Variants in DENND4B observed in about 807,000 individuals in gnomAD.
DENND4B encodes DENN domain containing 4B, also known as DENN domain-containing protein 4B.
DENND4B carries 67 observed loss-of-function variants against 161.0 expected under a neutral mutation model. The observed-to-expected ratio is 0.42, with a 90% CI of 0.34 to 0.51. DENND4B has a LOEUF of 0.51. DENND4B is among the 20% of genes least tolerant of loss of function. The pLI is 0.08. For missense variants in DENND4B, 1,481 were observed against 1,968.0 expected, an observed-to-expected ratio of 0.75 and a Z score of 4.68; for synonymous variants, 753 against 813.8, an observed-to-expected ratio of 0.93 and a Z score of 1.27.
Position 153,930,587 on chromosome 1 carries a change from T to C in DENND4B, c.4297A>G (p.Ile1433Val), listed in dbSNP as rs769081956. ...LHLQRGIYRE[I>V]LFLTMAALGK... ...AGAGCAGCCATTGTCAGGAATAATATCTCACGGTAGATTCCCCTTTAGTGG... is the reference window on the plus strand; with the variant it reads ...AGAGCAGCCATTGTCAGGAATAATACCTCACGGTAGATTCCCCTTTAGTGG... The change falls in exon 27 of 28, where the codon ATA (isoleucine) becomes GTA (valine). Residue 1433 changes from isoleucine to valine, a missense_variant. Physicochemically the swap from Ile to Val is conservative, Grantham distance 29. Coordinates refer to ENST00000361217, the MANE Select transcript of DENND4B (RefSeq NM_014856.3). This position sits in a 1 kb window ranked among gnomAD's most constrained non-coding sequence, Gnocchi z 4.7. The C allele has an allele frequency of 5.0e-6, 8 of 1,613,992 alleles. No individual in the cohort carries two copies. The East Asian group carries it at 1.8e-4, about 36-fold the overall frequency.
At position 153,929,986 on chromosome 1, in the gene DENND4B, G is replaced by A. The variant is rs1361877273; in HGVS notation, c.*311C>T. On this transcript the variant is annotated 3_prime_UTR_variant, in exon 28 of 28. Transcript: ENST00000361217. Reference sequence around the variant, plus strand: ...AAAACAAAAACTTCTAAAATGACCAGGGCAATGCAGATCTGTGGGTACCCT... The same window carrying A: ...AAAACAAAAACTTCTAAAATGACCAAGGCAATGCAGATCTGTGGGTACCCT... 2.9e-6 allele frequency: 1 copy of A among 344,014 alleles called. No individual in the cohort carries two copies. Among genetic ancestry groups the A allele is most frequent in the Non-Finnish European group, 5.3e-6 (1 of 187,250 alleles). 21.3% of individuals were successfully genotyped at this position (344,014 alleles called of 1,614,324 possible).
chr1:153,934,590 C>T lies in DENND4B; in HGVS notation c.2773+170G>A, dbSNP rs149012623. The T allele has an allele frequency of 2.9e-4, 360 of 1,234,764 alleles. 2 individuals are homozygous for T. The highest frequency in any genetic ancestry group is 2.1e-3 in the African/African-American group (137 of 66,144). The allele number at this position is 1,234,764 out of a possible 1,614,324, so 76.5% of individuals were successfully genotyped here. On this transcript the variant is annotated intron_variant, in intron 18 of 27. Coordinates refer to ENST00000361217, the MANE Select transcript of DENND4B (RefSeq NM_014856.3). The surrounding 1 kb of genome is among the most constrained non-coding windows in gnomAD (Gnocchi z 5.3). ...CCAAGTAGCTGGGACTACAGGTGCG[C>T]GCCACCACGCCCAGCTAATTTTTTT... is the stretch of plus-strand genomic sequence containing the variant.
chr1:153,933,964 T>G lies in DENND4B; in HGVS notation c.2942-93A>C, dbSNP rs1679149091. 2.0e-6 allele frequency: 3 copies of G among 1,530,942 alleles called. No homozygotes were observed. Among genetic ancestry groups the G allele is most frequent in the South Asian group, 1.2e-5 (1 of 80,502 alleles). 94.8% of individuals were successfully genotyped at this position (1,530,942 alleles called of 1,614,324 possible). On this transcript the variant is annotated intron_variant, in intron 19 of 27. Coordinates refer to ENST00000361217, the MANE Select transcript of DENND4B (RefSeq NM_014856.3). The surrounding 1 kb of genome is among the most constrained non-coding windows in gnomAD (Gnocchi z 5.7). Reference sequence around the variant, plus strand: ...AAACACAATTCCTGGCTGCACAAACTCTGGTGCCACCACCCCCACCATGAT... The same window carrying G: ...AAACACAATTCCTGGCTGCACAAACGCTGGTGCCACCACCCCCACCATGAT...
intron 2 of DENND4B, among the ~76,000 whole-genome samples, chr1:153,943,678 T>TAAAAAAAAAAAA (rs11330733): frequency 2.2e-5 from 2 of 92,402 alleles, no homozygotes; most frequent in Non-Finnish European, 4.3e-5. Context: ...ACTCTGTCTA[T>TAAAAAAAAAAAA]AAAAAAAAAA....
intron 13 of DENND4B, among the ~76,000 whole-genome samples, 199 bp downstream of exon 13, chr1:153,938,701 C>CAA (rs1227022917): frequency 1.9e-5 from 2 of 106,004 alleles, no homozygotes; most frequent in African/African-American, 3.5e-5. Context: ...GACTTCGTTT[C>CAA]AAAAAAAAAA....
rs758763428 is a variant in DENND4B at position 153,941,857 on chromosome 1, A to G, written c.1055+12T>C. The G allele has an allele frequency of 2.5e-6, 4 of 1,598,350 alleles. No homozygotes were observed. Among genetic ancestry groups the G allele is most frequent in the Non-Finnish European group, 3.4e-6 (4 of 1,173,770 alleles). ...CCTAACCCCTTCCCAATGGCAGAGG[A>G]GCCATGCTCACGCTTCCAAGGGTAG... On this transcript the variant is annotated intron_variant, in intron 6 of 27. Transcript: ENST00000361217.
At chr1:153,945,311 T>C (rs1679898187) in intron 1 of DENND4B, 2 of 486,728 alleles carry the variant, frequency 4.1e-6, no homozygotes, top group East Asian at 7.5e-5. Flanking sequence ...AAGCTGCAAC[T>C]CAGAGGAAGT....
At position 153,930,446 on chromosome 1, in the gene DENND4B, G is replaced by A. The variant is rs1678835546; in HGVS notation, c.4346-4C>T. ...TTGTACTTCTTATCGAAGGCCACTA[G>A]GGAAGAAGGTGGAAGTCAACATGTT... On this transcript the variant is annotated splice_region_variant and splice_polypyrimidine_tract_variant and intron_variant, in intron 27 of 27. Coordinates refer to ENST00000361217, the MANE Select transcript of DENND4B (RefSeq NM_014856.3). This position sits in a 1 kb window ranked among gnomAD's most constrained non-coding sequence, Gnocchi z 4.7. 1 of 1,613,878 alleles carries A rather than the reference G, an allele frequency of 6.2e-7. No homozygotes were observed. The highest frequency in any genetic ancestry group is 8.5e-7 in the Non-Finnish European group (1 of 1,179,816).
At chr1:153,943,249 C>T (rs1424887578) in intron 2 of DENND4B, 119 bp from the exon 3 acceptor site, 4 of 1,386,036 alleles carry the variant, frequency 2.9e-6, no homozygotes, top group Non-Finnish European at 3.9e-6. Context: ...CCTTGTCAAA[C>T]TCTAACACTA....
rs767201870 is a variant in DENND4B, at chr1:153,940,589, G to C, written c.1344C>G (p.His448Gln). The change falls in exon 10 of 28, where the codon CAC (histidine) becomes CAG (glutamine). Residue 448 changes from histidine to glutamine, a missense_variant. By Grantham distance (24) the His-to-Gln change is conservative (BLOSUM62 0). This residue lies in a region of DENND4B where 806 missense variants were observed against 1,134.4 expected (regional missense o/e 0.71). Coordinates refer to ENST00000361217, the MANE Select transcript of DENND4B (RefSeq NM_014856.3). This position sits in a 1 kb window ranked among gnomAD's most constrained non-coding sequence, Gnocchi z 5.6. ...ACAGAGGAATGTAGGGGCACTGCCA[G>C]TGCAGTGGGAAGATCATCTGAAGCA... ...EALVSMIFPL[H>Q]WQCPYIPLCP... The C allele has an allele frequency of 3.1e-6, 5 of 1,612,760 alleles. No homozygotes were observed. The highest frequency in any genetic ancestry group is 1.7e-5 in the Admixed American group (1 of 59,804).
rs1233776072 is a variant in DENND4B at position 153,946,473 on chromosome 1, C to T, written c.-196G>A. 1.0e-5 allele frequency: 4 copies of T among 389,684 alleles called. No homozygotes were observed. The highest frequency in any genetic ancestry group is 7.3e-5 in the East Asian group (2 of 27,410). 24.1% of individuals were successfully genotyped at this position (389,684 alleles called of 1,614,324 possible). A position where few individuals can be genotyped will look rare whatever the true frequency, so the allele number is the denominator to read the frequency against. On this transcript the variant is annotated 5_prime_UTR_variant, in exon 1 of 28. Transcript: ENST00000361217. The surrounding 1 kb of genome is among the most constrained non-coding windows in gnomAD (Gnocchi z 6.3). ...AGAGGCGGCCGAGGACCGCAGAGCG[C>T]GGGGCGCAGTGGAAGGAGATCCGGG... is the stretch of plus-strand genomic sequence containing the variant.
Position 153,942,274 on chromosome 1 carries a change from C to T in DENND4B, c.723G>A (p.Gly241=), listed in dbSNP as rs1679715537. 3 of 1,613,856 alleles carry T rather than the reference C, an allele frequency of 1.9e-6. No individual in the cohort carries two copies. The highest frequency in any genetic ancestry group is 2.5e-6 in the Non-Finnish European group (3 of 1,179,852). Residue 241 remains glycine, a synonymous_variant, in exon 5 of 28, where the codon GGG becomes GGA. Coordinates refer to ENST00000361217, the MANE Select transcript of DENND4B (RefSeq NM_014856.3). The surrounding 1 kb of genome is among the most constrained non-coding windows in gnomAD (Gnocchi z 6.9). Reference sequence around the variant, plus strand: ...GGGCAGGCCAGCACTCGATAGTGGCCCCCATGGGCAGGCAGAAGACGGGCA... The same window carrying T: ...GGGCAGGCCAGCACTCGATAGTGGCTCCCATGGGCAGGCAGAAGACGGGCA... ...ESVPVFCLPM[G]ATIECWPAQT... is the part of the protein sequence containing the mutation.
At position 153,944,333 on chromosome 1, in the gene DENND4B, C is replaced by T. The variant is rs1273636706; in HGVS notation, c.42G>A (p.Val14=). 2 of 1,609,096 alleles carry T rather than the reference C, an allele frequency of 1.2e-6. No homozygotes were observed. Among genetic ancestry groups the T allele is most frequent in the South Asian group, 1.1e-5 (1 of 90,604 alleles). Residue 14 remains valine (V), a synonymous_variant, in exon 2 of 28, where the codon GTG becomes GTA. Transcript: ENST00000361217. The surrounding 1 kb of genome is among the most constrained non-coding windows in gnomAD (Gnocchi z 4.8). ...ERPPRLVDYF[V]VAGLAGNGAP... ...CTCCGTTCCCTGCAAGCCCAGCTACCACGAAGTAATCCACCAGCCGGGGGG... is the reference window on the plus strand; with the variant it reads ...CTCCGTTCCCTGCAAGCCCAGCTACTACGAAGTAATCCACCAGCCGGGGGG...
intron 1 of DENND4B, among the ~76,000 whole-genome samples, chr1:153,945,880 G>A (rs1339806684): frequency 6.6e-6 from 1 of 152,258 alleles, no homozygotes; most frequent in Non-Finnish European, 1.5e-5. Flanking sequence ...GGAAGACAAC[G>A]GGCACAGGGC....
In DENND4B at chr1:153,936,361, T is replaced by G. The variant is rs1298911438; in HGVS notation, c.2440-173A>C. ...TTCTGCTGACCCTGCCACCCTACAG[T>G]CTTCACTGCTAAACCCTGAACATGC... On this transcript the variant is annotated intron_variant, in intron 16 of 27. Transcript: ENST00000361217. This position sits in a 1 kb window ranked among gnomAD's most constrained non-coding sequence, Gnocchi z 4.1. 6.6e-6 allele frequency among the ~76,000 whole-genome samples: 1 copy of G among 152,204 alleles called. No homozygotes were observed.
chr1:153,938,388 G>A (rs537019762), intron 13 of DENND4B, among the ~76,000 whole-genome samples: 1 of 143,626 alleles, frequency 7.0e-6, no homozygotes, highest in Admixed American at 7.3e-5. Flanking sequence ...CAGCCTGGGA[G>A]ACAGAGCAAA....
At position 153,942,774 on chromosome 1, in the gene DENND4B, C is replaced by T; in HGVS notation, c.570+104G>A. 1 of 1,492,906 alleles carries T rather than the reference C, an allele frequency of 6.7e-7. No individual in the cohort carries two copies. Among genetic ancestry groups the T allele is most frequent in the African/African-American group, 1.4e-5 (1 of 71,646 alleles). 92.5% of individuals were successfully genotyped at this position (1,492,906 alleles called of 1,614,324 possible). A position where few individuals can be genotyped will look rare whatever the true frequency, so the allele number is the denominator to read the frequency against. On this transcript the variant is annotated intron_variant, in intron 3 of 27. Coordinates refer to ENST00000361217, the MANE Select transcript of DENND4B (RefSeq NM_014856.3). This position sits in a 1 kb window ranked among gnomAD's most constrained non-coding sequence, Gnocchi z 6.9. ...AAGACCAGAGTTACCCCTCTGGACT[C>T]ACCCCTGTGGTCAGAGCCTTGGTCC...
chr1:153,944,546 A>T lies in DENND4B; in HGVS notation c.-23-149T>A. ...CCAATCCTGAACTCTTCCCCCTGTG[A>T]CATCACTGCCCACCACAGCTTCTTA... On this transcript the variant is annotated intron_variant, in intron 1 of 27. Coordinates refer to ENST00000361217, the MANE Select transcript of DENND4B (RefSeq NM_014856.3). This position sits in a 1 kb window ranked among gnomAD's most constrained non-coding sequence, Gnocchi z 4.8. 4 of 756,094 alleles carry T rather than the reference A, an allele frequency of 5.3e-6. 1 individual carries two copies. In the South Asian group the frequency reaches 7.9e-5, roughly 15 times the overall value. The allele number at this position is 756,094 out of a possible 1,614,324, so 46.8% of individuals were successfully genotyped here.
In DENND4B at chr1:153,944,115, G is replaced by A; in HGVS notation, c.260C>T (p.Thr87Ile). The change falls in exon 2 of 28, where the codon ACT becomes ATT. Residue 87 changes from threonine (T) to isoleucine (I), a missense_variant. By Grantham distance (89) the Thr-to-Ile change is moderately conservative (BLOSUM62 -1). This residue lies in a region of DENND4B where 806 missense variants were observed against 1,134.4 expected (regional missense o/e 0.71). Transcript: ENST00000361217. This position sits in a 1 kb window ranked among gnomAD's most constrained non-coding sequence, Gnocchi z 4.8. ...CCTGCGGTAGCAGATGACGGGTTGA[G>A]TTCCACCCAGAAGTCCAGCACTGAG... ...LELSAGLLGG[T>I]QPVICYRRGR... 6.2e-7 allele frequency: 1 copy of A among 1,608,470 alleles called. No individual in the cohort carries two copies. The highest frequency in any genetic ancestry group is 8.5e-7 in the Non-Finnish European group (1 of 1,177,062).
Sources: gnomAD v4.1 joint callset for allele counts (sites outside exome capture counted in the v4.1 genomes callset) on GRCh38, gnomAD v4.1.1 for gene constraint, gnomAD v4.1.1 regional missense constraint, Gnocchi (gnomAD v3.1) non-coding constraint, MANE v1.5 for transcripts, NCBI Gene and HGNC (gene_info 2026-07-23, HGNC 2026-07-21) for gene names.